Variants in CNTN4 observed in about 807,000 individuals in gnomAD.
The protein encoded by CNTN4 is contactin 4, also known as contactin-4.
In CNTN4, 77 loss-of-function variants were observed where a neutral mutation model predicts 122.5. The observed-to-expected ratio is 0.63, with a 90% CI of 0.52 to 0.76. The LOEUF is 0.76. Ranked by LOEUF, CNTN4 falls within the 30% of genes least tolerant of loss-of-function variation. The pLI is 0.00. For missense variants in CNTN4, 1,256 were observed against 1,259.1 expected (o/e 1.00, Z 0.04); for synonymous variants, 512 against 447.0 (o/e 1.15, Z -1.83).
chr3:2,273,171 A>G (rs959975008), intron 2 of CNTN4, among the ~76,000 whole-genome samples: 16 of 152,228 alleles, frequency 1.1e-4, no homozygotes, highest in Non-Finnish European at 2.2e-4. Context: ...TTAAAAATGC[A>G]GTAAGTAATT....
chr3:2,767,723 A>G (rs776541536), intron 6 of CNTN4, among the ~76,000 whole-genome samples: 10 of 152,216 alleles, frequency 6.6e-5, no homozygotes, highest in Non-Finnish European at 1.2e-4. Flanking sequence ...GATTTTCTCT[A>G]TGATCACGTC....
chr3:2,191,123 T>C (rs1252912849), intron 2 of CNTN4, among the ~76,000 whole-genome samples: 1 of 152,014 alleles, frequency 6.6e-6, no homozygotes, highest in Non-Finnish European at 1.5e-5. Flanking sequence ...AGAGATGGGG[T>C]CTGTCTTGCT....
chr3:2,826,182 A>G (rs556424141), intron 7 of CNTN4, among the ~76,000 whole-genome samples: 18 of 152,292 alleles, frequency 1.2e-4, no homozygotes, highest in African/African-American at 4.3e-4. Flanking sequence ...GGAAACATGT[A>G]CTGTACTTTC....
At chr3:2,142,200 A>G (rs2035027221) in intron 2 of CNTN4, among the ~76,000 whole-genome samples, 2 of 152,184 alleles carry the variant, frequency 1.3e-5, no homozygotes, top group Admixed American at 1.3e-4. Context: ...TTTTTTTCCA[A>G]TATTTGTGGA....
At position 2,580,711 on chromosome 3, in the gene CNTN4, T is replaced by C. The variant is rs188229742; in HGVS notation, c.55+9153T>C. 6.6e-5 allele frequency among the ~76,000 whole-genome samples: 10 copies of C among 152,296 alleles called. No individual in the cohort carries two copies. In the East Asian group the frequency reaches 1.9e-3, roughly 29 times the overall value. On this transcript the variant is annotated intron_variant, in intron 4 of 24. Coordinates refer to ENST00000418658, the MANE Select transcript of CNTN4 (RefSeq NM_175607.3). ...TTAACAGTCTATTTAAGAAGGCTGT[T>C]AGGAATTAGAGACAACTGCAATAAT... is the stretch of plus-strand genomic sequence containing the variant.
chr3:2,460,992 A>G (rs2049185751), intron 3 of CNTN4, among the ~76,000 whole-genome samples: 1 of 152,088 alleles, frequency 6.6e-6, no homozygotes, highest in African/African-American at 2.4e-5. Flanking sequence ...CGTGTGATCT[A>G]GGAAGCCCCT....
At chr3:2,973,450 T>A (rs1375284644) in intron 13 of CNTN4, among the ~76,000 whole-genome samples, 5 of 151,958 alleles carry the variant, frequency 3.3e-5, no homozygotes, top group Admixed American at 3.3e-4. Flanking sequence ...ATGTGGAGAG[T>A]ATTCCGAAGG....
At chr3:2,346,837 C>T (rs1617892) in intron 3 of CNTN4, among the ~76,000 whole-genome samples, 74,606 of 151,584 alleles carry the variant, frequency 0.49, 18,511 homozygotes, top group Admixed American at 0.52. Context: ...TTCTCTTACG[C>T]TATTCTGTTT....
intron 12 of CNTN4, among the ~76,000 whole-genome samples, chr3:2,916,159 A>G (rs1282264910): frequency 6.6e-6 from 1 of 152,174 alleles, no homozygotes; most frequent in Non-Finnish European, 1.5e-5. Context: ...CATTGTCAAG[A>G]TGGTAAATTT....
chr3:2,599,718 G>C (rs984068016), intron 4 of CNTN4, among the ~76,000 whole-genome samples: 6 of 152,192 alleles, frequency 3.9e-5, no homozygotes, highest in African/African-American at 1.4e-4. Context: ...GTCAGAGAAA[G>C]TAATTCCTTA....
At chr3:2,582,043 T>G (rs1352295937) in intron 4 of CNTN4, among the ~76,000 whole-genome samples, 1 of 152,196 alleles carries the variant, frequency 6.6e-6, no homozygotes, top group Non-Finnish European at 1.5e-5. Flanking sequence ...CTTTTTAGGC[T>G]GATGAAAATA....
chr3:2,110,717 C>G (rs534129251), intron 2 of CNTN4: 9 of 137,110 alleles, frequency 6.6e-5, no homozygotes, highest in African/African-American at 2.0e-4. Context: ...GGGCCTGTTT[C>G]TCCCCTCCCC....
intron 2 of CNTN4, among the ~76,000 whole-genome samples, chr3:2,177,124 G>A (rs1306545787): frequency 6.6e-6 from 1 of 152,090 alleles, no homozygotes; most frequent in Non-Finnish European, 1.5e-5. Flanking sequence ...ACTAGACCGT[G>A]TATCCATTAA....
At chr3:2,155,822 C>T (rs2035695039) in intron 2 of CNTN4, among the ~76,000 whole-genome samples, 1 of 152,194 alleles carries the variant, frequency 6.6e-6, no homozygotes, top group South Asian at 2.1e-4. Flanking sequence ...CCAAATGATT[C>T]TTGTTCATCC....
At chr3:2,894,950 A>G (rs1397402908) in intron 10 of CNTN4, among the ~76,000 whole-genome samples, 2 of 152,174 alleles carry the variant, frequency 1.3e-5, no homozygotes, top group Non-Finnish European at 2.9e-5. Flanking sequence ...GACAGAAAGT[A>G]AGAGATGTAG....
intron 4 of CNTN4, among the ~76,000 whole-genome samples, chr3:2,726,521 A>G (rs143499310): frequency 1.6e-3 from 243 of 152,286 alleles, no homozygotes; most frequent in African/African-American, 5.5e-3. Flanking sequence ...AAAATCACAG[A>G]TGTCTACTAC....
At chr3:2,628,058 T>C (rs2082278913) in intron 4 of CNTN4, among the ~76,000 whole-genome samples, 1 of 152,204 alleles carries the variant, frequency 6.6e-6, no homozygotes, top group Non-Finnish European at 1.5e-5. Context: ...AACTGGCTTC[T>C]ATAGCTAGAC....
intron 2 of CNTN4, among the ~76,000 whole-genome samples, chr3:2,186,500 T>C (rs1460238286): frequency 3.5e-4 from 53 of 152,162 alleles, no homozygotes; most frequent in South Asian, 8.3e-4. Context: ...CTTGAGGAAT[T>C]GCCACACTGT....
rs113036290 is a variant in CNTN4, at chr3:2,877,361, A to C, written c.653-5784A>C. On this transcript the variant is annotated intron_variant, in intron 8 of 24. Transcript: ENST00000418658. The stretch of plus-strand genomic sequence containing the variant: ...AAAGACTTTGATATATGGAATTTCA[A>C]GTGCCGTAACCTTCATTACTATTGT... Among the ~76,000 whole-genome samples the C allele has an allele frequency of 3.9e-3, 596 of 152,350 alleles. 5 individuals are homozygous for C. Among genetic ancestry groups the C allele is most frequent in the African/African-American group, 0.012 (496 of 41,590 alleles).
Sources: gnomAD v4.1 joint callset for allele counts (sites outside exome capture counted in the v4.1 genomes callset) on GRCh38, gnomAD v4.1.1 for gene constraint, MANE v1.5 for transcripts, NCBI Gene and HGNC (gene_info 2026-07-23, HGNC 2026-07-21) for gene names.